Variants in GLP2R observed in about 807,000 individuals in gnomAD.
The protein encoded by GLP2R is glucagon like peptide 2 receptor, also known as glucagon-like peptide 2 receptor.
Under a neutral mutation model 68.2 loss-of-function variants are expected in GLP2R, and 59 were observed. The ratio of observed to expected loss-of-function variants is 0.87; its 90% CI spans 0.70 to 1.07. GLP2R has a LOEUF of 1.07. Ranked by LOEUF, GLP2R falls within the 50% of genes least tolerant of loss-of-function variation. The pLI, the probability that GLP2R is intolerant of heterozygous loss-of-function variation, is 0.00. For missense variants in GLP2R, 548 were observed against 677.4 expected (o/e 0.81, Z 2.12); for synonymous variants, 270 against 265.4 (o/e 1.02, Z -0.17).
intron 4 of GLP2R, 77 bp from the exon 5 acceptor site, chr17:9,854,418 G>T: frequency 1.2e-6 from 1 of 853,416 alleles, no homozygotes; most frequent in East Asian, 2.4e-5. Flanking sequence ...GCCCTTGGTG[G>T]CCCTGGGTGT....
chr17:9,880,456 A>G lies in GLP2R; in HGVS notation c.1224A>G (p.Gln408=). ...EILFSFITDD[Q]VEGFAKLIRL... The stretch of plus-strand genomic sequence containing the variant: ...TCTTCTCTTTCATCACTGATGATCA[A>G]GTTGAAGGATTTGCAAAACTTATAC... The change falls in exon 11 of 13, where the codon CAA becomes CAG. Residue 408 remains glutamine, a synonymous_variant. Coordinates refer to ENST00000262441, the MANE Select transcript of GLP2R (RefSeq NM_004246.3). 6.2e-7 allele frequency: 1 copy of G among 1,602,250 alleles called. No homozygotes were observed. Among genetic ancestry groups the G allele is most frequent in the Non-Finnish European group, 8.5e-7 (1 of 1,170,806 alleles).
intron 4 of GLP2R, among the ~76,000 whole-genome samples, chr17:9,847,605 G>A (rs534511780): frequency 1.3e-5 from 2 of 152,168 alleles, no homozygotes; most frequent in South Asian, 4.2e-4. Flanking sequence ...TTTTGCAACT[G>A]GTTCCCTGAA....
intron 9 of GLP2R, among the ~76,000 whole-genome samples, chr17:9,863,448 C>T (rs2067005388): frequency 6.6e-6 from 1 of 152,202 alleles, no homozygotes; most frequent in South Asian, 2.1e-4. Context: ...TCAATGGAAA[C>T]TGGATCTCAG....
Position 9,889,565 on chromosome 17 carries a change from C to T in GLP2R, c.1522C>T (p.Arg508Ter), listed in dbSNP as rs760303918. 6.2e-6 allele frequency: 10 copies of T among 1,614,144 alleles called. No individual in the cohort carries two copies. The African/African-American group carries it at 8.0e-5, about 13-fold the overall frequency. The change falls in exon 13 of 13, where the codon CGA becomes TGA. Residue 508 changes from arginine to a stop codon, truncating the protein, a stop_gained. Coordinates refer to ENST00000262441, the MANE Select transcript of GLP2R (RefSeq NM_004246.3). LOFTEE classifies it high-confidence loss of function. ...TGGGCGGCTCCTACATCTAGCCATG[C>T]GAGGTCTTGGGGAGCTGGGCGCCCA... The part of the protein sequence containing the change: ...NSGRLLHLAM[R>*]GLGELGAQPQ...
chr17:9,870,661 C>G, intron 9 of GLP2R, 86 bp from the exon 10 acceptor site: 1 of 747,592 alleles, frequency 1.3e-6, no homozygotes, highest in Non-Finnish European at 2.5e-6. Context: ...ACTGATGGAA[C>G]TGATGGCCGA....
Position 9,826,266 on chromosome 17 carries a change from A to G in GLP2R, c.189+14A>G. 1 of 1,456,218 alleles carries G rather than the reference A, an allele frequency of 6.9e-7. No homozygotes were observed. The highest frequency in any genetic ancestry group is 1.8e-4 in the Middle Eastern group (1 of 5,530). 90.2% of individuals were successfully genotyped at this position (1,456,218 alleles called of 1,614,324 possible). A position where few individuals can be genotyped will look rare whatever the true frequency, so the allele number is the denominator to read the frequency against. ...TCCATCAAGCAAGTAAGAGCAGTTC[A>G]TTATTATTATTATTATCAGTTGTAT... On this transcript the variant is annotated intron_variant, in intron 1 of 12. Transcript: ENST00000262441.
chr17:9,860,724 C>T (rs2066980217), intron 7 of GLP2R, among the ~76,000 whole-genome samples: 1 of 152,056 alleles, frequency 6.6e-6, no homozygotes, highest in African/African-American at 2.4e-5. Flanking sequence ...TACATTTAGT[C>T]CATAATACCA....
intron 1 of GLP2R, among the ~76,000 whole-genome samples, chr17:9,829,562 T>C (rs1024301053): frequency 1.3e-5 from 2 of 152,204 alleles, no homozygotes; most frequent in African/African-American, 4.8e-5. Flanking sequence ...CTTTTTTTCA[T>C]AGAATGTTAT....
intron 4 of GLP2R, among the ~76,000 whole-genome samples, chr17:9,847,373 G>C (rs191253451): frequency 1.3e-5 from 2 of 152,032 alleles, no homozygotes; most frequent in African/African-American, 4.8e-5. Flanking sequence ...GGTTTCAAGC[G>C]ATTCTTCTGC....
At chr17:9,853,144 A>G (rs2066906915) in intron 4 of GLP2R, 1 of 483,080 alleles carries the variant, frequency 2.1e-6, no homozygotes, top group East Asian at 4.9e-5. Context: ...ATGTGCAATC[A>G]TGCTTTGCAC....
At chr17:9,838,151 C>A (rs1375943365) in intron 3 of GLP2R, among the ~76,000 whole-genome samples, 1 of 152,056 alleles carries the variant, frequency 6.6e-6, no homozygotes, top group Non-Finnish European at 1.5e-5. Flanking sequence ...GGCACAGTAC[C>A]CCTGGGAGCA....
chr17:9,846,886 T>C (rs1416833175), intron 4 of GLP2R, among the ~76,000 whole-genome samples: 1 of 152,238 alleles, frequency 6.6e-6, no homozygotes, highest in Admixed American at 6.5e-5. Flanking sequence ...GGGGTTTCCA[T>C]CTCAGGAGAC....
Position 9,870,816 on chromosome 17 carries a change from T to C in GLP2R, c.1126T>C (p.Phe376Leu), listed in dbSNP as rs1424270937. The part of the protein sequence containing the change: ...ISKLKAHQMC[F>L]RDYKYRLAKS... ...TAAGCTCAAAGCTCATCAAATGTGC[T>C]TCAGAGATTATAAATACAGGTGAGT... is the stretch of plus-strand genomic sequence containing the variant. Residue 376 changes from phenylalanine to leucine, a missense_variant, in exon 10 of 13, where the codon TTC becomes CTC. Phe to Leu is a conservative substitution (Grantham distance 22, BLOSUM62 0). Coordinates refer to ENST00000262441, the MANE Select transcript of GLP2R (RefSeq NM_004246.3). 6 of 1,547,912 alleles carry C rather than the reference T, an allele frequency of 3.9e-6. No individual in the cohort carries two copies. Among genetic ancestry groups the C allele is most frequent in the Non-Finnish European group, 5.4e-6 (6 of 1,119,322 alleles).
chr17:9,889,477 C>T lies in GLP2R; in HGVS notation c.1434C>T (p.Pro478=). Residue 478 remains proline, a synonymous_variant, in exon 13 of 13, where the codon CCC becomes CCT. Transcript: ENST00000262441. ...GKDFRFLGKC[P]KKLSEGDGAE... ...ACTTCCGGTTCCTAGGAAAATGTCC[C>T]AAGAAGCTCTCGGAAGGAGATGGCG... 6.2e-7 allele frequency: 1 copy of T among 1,614,084 alleles called. No individual in the cohort carries two copies. Among genetic ancestry groups the T allele is most frequent in the Non-Finnish European group, 8.5e-7 (1 of 1,179,922 alleles).
chr17:9,828,565 G>A (rs574398101), intron 1 of GLP2R, among the ~76,000 whole-genome samples: 1 of 152,318 alleles, frequency 6.6e-6, no homozygotes, highest in Admixed American at 6.5e-5. Context: ...AAGCCTCTGA[G>A]AAGAGTGTTA....
chr17:9,828,150 C>A (rs185841414), intron 1 of GLP2R, among the ~76,000 whole-genome samples: 133 of 152,238 alleles, frequency 8.7e-4, no homozygotes, highest in Middle Eastern at 6.8e-3. Context: ...AGGCAGATAA[C>A]CCCTGCCAGA....
At chr17:9,849,145 T>C (rs2066868883) in intron 4 of GLP2R, among the ~76,000 whole-genome samples, 1 of 151,814 alleles carries the variant, frequency 6.6e-6, no homozygotes, top group Non-Finnish European at 1.5e-5. Context: ...ATATATGATT[T>C]TTCCAACATT....
intron 4 of GLP2R, among the ~76,000 whole-genome samples, chr17:9,847,432 G>A (rs1006108651): frequency 5.9e-5 from 9 of 151,932 alleles, no homozygotes; most frequent in Non-Finnish European, 1.3e-4. Context: ...GCCACACCCG[G>A]CAATGTTTTG....
At chr17:9,836,569 T>C in intron 3 of GLP2R, 94 bp downstream of exon 3, 2 of 700,852 alleles carry the variant, frequency 2.9e-6, no homozygotes, top group Non-Finnish European at 2.6e-6. Context: ...CTCTCAGTAA[T>C]ACATCTTCCT....
Sources: allele counts gnomAD v4.1 joint callset (sites outside exome capture counted in the v4.1 genomes callset), GRCh38; gene constraint gnomAD v4.1.1; transcripts MANE v1.5; gene names NCBI Gene and HGNC (gene_info 2026-07-23, HGNC 2026-07-21).